The following EYA1 variants were observed in gnomAD, a reference collection of about 807,000 sequenced individuals.
EYA1 encodes protein phosphatase EYA1.
A neutral mutation model predicts 82.0 loss-of-function variants in EYA1; 16 were observed. The observed-to-expected ratio is 0.20, with a 90% confidence interval of 0.13 to 0.30. The LOEUF (loss-of-function observed/expected upper bound fraction) is 0.30, where lower values mean the gene tolerates loss of function less well. EYA1 is among the 10% of genes least tolerant of loss of function. The pLI is 1.00. For synonymous variants in EYA1, 261 were observed against 264.4 expected (o/e 0.99, Z 0.12); for missense variants, 633 against 730.7 (o/e 0.87, Z 1.54).
intron 7 of EYA1, among the ~76,000 whole-genome samples, chr8:71,305,973 A>G (rs1820695747): frequency 1.3e-5 from 2 of 152,200 alleles, no homozygotes; most frequent in Admixed American, 1.3e-4. Flanking sequence ...TTGTGATGCA[A>G]AAGAAGTGGG....
At chr8:71,262,896 C>T (rs1417217413) in intron 11 of EYA1, among the ~76,000 whole-genome samples, 3 of 152,094 alleles carry the variant, frequency 2.0e-5, no homozygotes, top group Non-Finnish European at 4.4e-5. Flanking sequence ...CATATATAGA[C>T]ACATATATTA....
intron 2 of EYA1, among the ~76,000 whole-genome samples, chr8:71,486,468 TG>T (rs1430447662): frequency 5.3e-5 from 8 of 152,206 alleles, no homozygotes; most frequent in Non-Finnish European, 1.2e-4. Flanking sequence ...GAAAAGAACC[TG>T]GGGGTCCTTT....
rs551173766 is a variant in EYA1, at chr8:71,215,212, A to G, written c.1597+175T>C. ...ATTTTGTGACTTCAGCTACTGTATTATGCTTTATGTTTCTCTTACGTCTAA... is the reference window on the plus strand; with the variant it reads ...ATTTTGTGACTTCAGCTACTGTATTGTGCTTTATGTTTCTCTTACGTCTAA... On this transcript the variant is annotated intron_variant, in intron 16 of 17. Coordinates refer to ENST00000340726, the MANE Select transcript of EYA1 (RefSeq NM_000503.6). 2.0e-5 allele frequency among the ~76,000 whole-genome samples: 3 copies of G among 152,286 alleles called. No individual in the cohort carries two copies. In the South Asian group the frequency reaches 6.2e-4, roughly 32 times the overall value.
At chr8:71,332,558 A>G (rs1323690181) in intron 4 of EYA1, among the ~76,000 whole-genome samples, 1 of 152,140 alleles carries the variant, frequency 6.6e-6, no homozygotes, top group South Asian at 2.1e-4. Context: ...TCAGGTCTTC[A>G]ATATTTCTTG....
At chr8:71,483,695 G>A (rs1586807535) in intron 2 of EYA1, among the ~76,000 whole-genome samples, 1 of 151,058 alleles carries the variant, frequency 6.6e-6, no homozygotes, top group African/African-American at 2.5e-5. Flanking sequence ...GTGTGTGTTG[G>A]GTATGCAAAC....
chr8:71,492,458 AT>A (rs1227739757), intron 2 of EYA1, among the ~76,000 whole-genome samples: 3 of 140,032 alleles, frequency 2.1e-5, no homozygotes, highest in African/African-American at 2.7e-5. Context: ...TTATTTATTT[AT>A]TTATTATTAT....
At chr8:71,315,042 T>C (rs1234795783) in intron 7 of EYA1, among the ~76,000 whole-genome samples, 3 of 152,210 alleles carry the variant, frequency 2.0e-5, no homozygotes, top group Non-Finnish European at 4.4e-5. Flanking sequence ...GAATTGTTCC[T>C]GCTGCATAAG....
intron 1 of EYA1, among the ~76,000 whole-genome samples, chr8:71,541,710 C>T (rs975429726): frequency 1.3e-5 from 2 of 152,172 alleles, no homozygotes; most frequent in Non-Finnish European, 2.9e-5. Context: ...CCTATAAAGC[C>T]TGTTTGTAAC....
chr8:71,434,357 G>T (rs1482206316), intron 2 of EYA1, among the ~76,000 whole-genome samples: 5 of 152,188 alleles, frequency 3.3e-5, no homozygotes, highest in African/African-American at 9.6e-5. Context: ...AAGTATCTCA[G>T]TTTTCTGTAA....
At chr8:71,504,758 T>G (rs1812062768) in intron 2 of EYA1, among the ~76,000 whole-genome samples, 2 of 152,198 alleles carry the variant, frequency 1.3e-5, no homozygotes, top group South Asian at 4.1e-4. Context: ...ACTTCCACAC[T>G]TCTACCTTCT....
intron 7 of EYA1, among the ~76,000 whole-genome samples, chr8:71,305,922 G>A (rs540749742): frequency 6.6e-6 from 1 of 152,264 alleles, no homozygotes; most frequent in Admixed American, 6.5e-5. Flanking sequence ...TTCATTAACA[G>A]CATCTACTGG....
intron 2 of EYA1, among the ~76,000 whole-genome samples, chr8:71,408,355 C>A (rs572736764): frequency 6.7e-6 from 1 of 149,646 alleles, no homozygotes; most frequent in Non-Finnish European, 1.5e-5. Flanking sequence ...ATGACAGGAT[C>A]AAATTCACAC....
chr8:71,255,854 G>T (rs1814346932), intron 11 of EYA1, among the ~76,000 whole-genome samples: 1 of 151,372 alleles, frequency 6.6e-6, no homozygotes, highest in African/African-American at 2.4e-5. Context: ...AATATGTAAA[G>T]ACCTCCTATG....
intron 2 of EYA1, among the ~76,000 whole-genome samples, chr8:71,528,791 A>G (rs1427860827): frequency 6.6e-6 from 1 of 152,204 alleles, no homozygotes; most frequent in Non-Finnish European, 1.5e-5. Context: ...GTTATTTTTA[A>G]TCACACAATC....
intron 2 of EYA1, among the ~76,000 whole-genome samples, chr8:71,476,421 G>A (rs73300385): frequency 3.9e-5 from 6 of 152,056 alleles, no homozygotes; most frequent in African/African-American, 1.4e-4. Flanking sequence ...TACACTTAAT[G>A]TACTTTGTGC....
chr8:71,436,565 C>T (rs1202238936), intron 2 of EYA1, among the ~76,000 whole-genome samples: 1 of 152,158 alleles, frequency 6.6e-6, no homozygotes, highest in African/African-American at 2.4e-5. Context: ...CTGCATTTCA[C>T]ATAAACATCT....
chr8:71,427,176 A>C (rs1805294409), intron 2 of EYA1, among the ~76,000 whole-genome samples: 1 of 152,124 alleles, frequency 6.6e-6, no homozygotes, highest in Non-Finnish European at 1.5e-5. Flanking sequence ...GCAATTTTTC[A>C]TGTTTTTCCC....
At chr8:71,431,857 A>C (rs1230128468) in intron 2 of EYA1, among the ~76,000 whole-genome samples, 1 of 152,172 alleles carries the variant, frequency 6.6e-6, no homozygotes, top group African/African-American at 2.4e-5. Context: ...CATAACCTTC[A>C]CAGGCTCCCC....
At chr8:71,362,155 CTTTTTTTTTTTTTTT>C (rs35320129), upstream of EYA1, 2 of 821,526 alleles carry the variant, frequency 2.4e-6, no homozygotes, top group Non-Finnish European at 1.4e-6. Flanking sequence ...TCGGGGCTTT[CTTTTTTTTTTTTTTT>C]TTTTTTTTTT....
Sources: gnomAD v4.1 joint callset for allele counts (sites outside exome capture counted in the v4.1 genomes callset) on GRCh38, gnomAD v4.1.1 for gene constraint, MANE v1.5 for transcripts, NCBI Gene and HGNC (gene_info 2026-07-23, HGNC 2026-07-21) for gene names.